Variants in LHB observed in about 807,000 individuals in gnomAD.
The protein encoded by LHB is lutropin subunit beta.
Under a neutral mutation model 10.6 loss-of-function variants are expected in LHB, and 11 were observed. That is an observed-to-expected ratio of 1.04 (90% CI 0.66 to 1.72). The LOEUF is 1.72. LHB is among the 40% of genes most tolerant of loss of function. LHB has a pLI of 0.00. For synonymous variants in LHB, 86 were observed against 83.1 expected (o/e 1.03, Z -0.19); for missense variants, 184 against 197.3 (o/e 0.93, Z 0.41).
chr19:49,016,696 G>A lies in LHB; in HGVS notation c.34C>T (p.Leu12=), dbSNP rs972950372. The change falls in exon 2 of 3, where the codon CTG becomes TTG. Residue 12 remains leucine, a synonymous_variant. Transcript: ENST00000649238. The part of the protein sequence containing the change: ...EMLQGLLLLL[L]LSMGGAWASR... Reference sequence around the variant, plus strand: ...GCCCATGCCCCGCCCATGCTCAGCAGCAGCAACAGCAGCAGCCCCTGGGAC... The same window carrying A: ...GCCCATGCCCCGCCCATGCTCAGCAACAGCAACAGCAGCAGCCCCTGGGAC... 1.9e-6 allele frequency: 3 copies of A among 1,611,252 alleles called. No individual in the cohort carries two copies. The African/African-American group carries it at 4.0e-5, about 22-fold the overall frequency.
upstream of LHB, chr19:49,019,069 C>T: frequency 6.8e-7 from 1 of 1,462,198 alleles, no homozygotes; most frequent in Non-Finnish European, 9.0e-7. Flanking sequence ...GCCCTGGGTC[C>T]CGAGTTCAGA....
upstream of LHB, chr19:49,018,173 G>A (rs979633187): frequency 2.7e-5 from 11 of 411,896 alleles, no homozygotes; most frequent in Non-Finnish European, 4.2e-5. Context: ...GTGCGGCATG[G>A]CCGAGGTCAC....
chr19:49,016,006 G>T lies in LHB; in HGVS notation c.*62C>A. Reference sequence around the variant, plus strand: ...GCGGATTGAGAAGCCTTTATTGTGGGAGGATCGGGGTGTCAGGGCTCCAGG... The same window carrying T: ...GCGGATTGAGAAGCCTTTATTGTGGTAGGATCGGGGTGTCAGGGCTCCAGG... On this transcript the variant is annotated 3_prime_UTR_variant, in exon 3 of 3. Coordinates refer to ENST00000649238, the MANE Select transcript of LHB (RefSeq NM_000894.3). 2 of 1,614,162 alleles carry T rather than the reference G, an allele frequency of 1.2e-6. No homozygotes were observed. Among genetic ancestry groups the T allele is most frequent in the Non-Finnish European group, 1.7e-6 (2 of 1,180,048 alleles).
upstream of LHB, chr19:49,019,076 C>T: frequency 6.9e-7 from 1 of 1,458,012 alleles, no homozygotes; most frequent in African/African-American, 1.4e-5. Flanking sequence ...GTCCCGAGTT[C>T]AGAATCCCTC....
At chr19:49,019,235 C>T (rs2039599802), upstream of LHB, 1 of 1,356,484 alleles carries the variant, frequency 7.4e-7, no homozygotes, top group South Asian at 1.8e-5. Flanking sequence ...CAAGCACCTT[C>T]TGCTGTTCAA....
chr19:49,019,036 A>G, upstream of LHB: 1 of 1,512,962 alleles, frequency 6.6e-7, no homozygotes. Flanking sequence ...TACCCAAGAC[A>G]TAGATTTCAT....
At chr19:49,017,665 G>C (rs1422395256), upstream of LHB, 1 of 763,208 alleles carries the variant, frequency 1.3e-6, no homozygotes, top group Non-Finnish European at 1.7e-6. Context: ...AAGCCAGGAT[G>C]CCCGGAGCGT....
chr19:49,018,866 G>A, upstream of LHB: 2 of 1,532,722 alleles, frequency 1.3e-6, no homozygotes, highest in East Asian at 2.4e-5. Flanking sequence ...GCGAGAGCCC[G>A]GCTTACTTGG....
At chr19:49,016,911 A>G in intron 1 of LHB, 156 bp downstream of exon 1, 3 of 1,598,550 alleles carry the variant, frequency 1.9e-6, no homozygotes, top group Non-Finnish European at 2.6e-6. Context: ...AACATTTCAG[A>G]TCCCCACCCT....
upstream of LHB, chr19:49,018,935 G>T (rs1600208380): frequency 5.9e-6 from 9 of 1,534,368 alleles, no homozygotes; most frequent in East Asian, 2.0e-4. Context: ...GGTCCAGGAC[G>T]CCCCGGTCGG....
chr19:49,016,404 G>T (rs1568646445), intron 2 of LHB, 94 bp from the exon 3 acceptor site: 2 of 1,598,680 alleles, frequency 1.3e-6, no homozygotes, highest in Admixed American at 1.7e-5. Context: ...GGACTCAGGA[G>T]CCCAGGAAGC....
At chr19:49,016,502 T>C in intron 2 of LHB, 45 bp downstream of exon 2, 2 of 1,595,540 alleles carry the variant, frequency 1.3e-6, no homozygotes, top group Non-Finnish European at 1.7e-6. Context: ...TCTGTGGGTC[T>C]GGCCCTGAGG....
chr19:49,017,041 G>C, intron 1 of LHB, 26 bp downstream of exon 1: 1 of 1,613,606 alleles, frequency 6.2e-7, no homozygotes, highest in Non-Finnish European at 8.5e-7. Context: ...GGAGGTGGAA[G>C]GTGCCCAGGG....
Position 49,016,119 on chromosome 19 carries a change from G to T in LHB, c.375C>A (p.Asp125Glu). Reference protein sequence around the residue: ...RSTSDCGGPKDHPLTCDHPQL... With the variant: ...RSTSDCGGPKEHPLTCDHPQL... Reference sequence around the variant, plus strand: ...GGGGGTGGTCACAGGTCAAGGGGTGGTCTTTGGGACCCCCACAGTCAGAGG... The same window carrying T: ...GGGGGTGGTCACAGGTCAAGGGGTGTTCTTTGGGACCCCCACAGTCAGAGG... The change falls in exon 3 of 3, where the codon GAC becomes GAA. Residue 125 changes from aspartate (D) to glutamate (E), a missense_variant. Asp to Glu is a conservative substitution (Grantham distance 45). Coordinates refer to ENST00000649238, the MANE Select transcript of LHB (RefSeq NM_000894.3). 5.6e-6 allele frequency: 9 copies of T among 1,612,944 alleles called. No homozygotes were observed. Among genetic ancestry groups the T allele is most frequent in the Non-Finnish European group, 7.6e-6 (9 of 1,180,024 alleles).
At chr19:49,017,420 A>T (rs2122678998), upstream of LHB, 1 of 1,133,004 alleles carries the variant, frequency 8.8e-7, no homozygotes, top group South Asian at 1.7e-5. Context: ...AGCCAGGAGG[A>T]GGCCATGACC....
upstream of LHB, chr19:49,018,222 G>C: frequency 1.6e-6 from 1 of 625,338 alleles, no homozygotes; most frequent in Non-Finnish European, 2.3e-6. Context: ...GGTGGTCGGG[G>C]CGGCCGGGAG....
Position 49,016,782 on chromosome 19 carries a change from C to T in LHB, c.16-68G>A, listed in dbSNP as rs751895668. ...CCCGAGTCCTGGCCTTCCCATCCCG[C>T]GTGGTACACCACCCACAAAGACCCA... On this transcript the variant is annotated intron_variant, in intron 1 of 2. Coordinates refer to ENST00000649238, the MANE Select transcript of LHB (RefSeq NM_000894.3). 6.9e-5 allele frequency: 110 copies of T among 1,602,750 alleles called. 1 individual carries two copies. The East Asian group carries it at 1.5e-3, about 22-fold the overall frequency.
At chr19:49,017,586 G>A, upstream of LHB, 1 of 1,094,474 alleles carries the variant, frequency 9.1e-7, no homozygotes, top group Non-Finnish European at 1.1e-6. Context: ...ACTTGACCCA[G>A]ATGCCCCCAA....
chr19:49,016,582 T>G lies in LHB; in HGVS notation c.148A>C (p.Asn50His). The change falls in exon 2 of 3, where the codon AAC becomes CAC. Residue 50 changes from asparagine to histidine, a missense_variant. Physicochemically the swap from Asn to His is moderately conservative, Grantham distance 68 (BLOSUM62 1). Coordinates refer to ENST00000649238, the MANE Select transcript of LHB (RefSeq NM_000894.3). ...CAGTAGCCGGCACAGATGGTGGTGT[T>G]GACGGTGATGCACACTGGGCAGCCC... Reference protein sequence around the residue: ...KEGCPVCITVNTTICAGYCPT... With the variant: ...KEGCPVCITVHTTICAGYCPT... The G allele has an allele frequency of 6.2e-7, 1 of 1,610,744 alleles. No homozygotes were observed. Among genetic ancestry groups the G allele is most frequent in the Non-Finnish European group, 8.5e-7 (1 of 1,179,630 alleles).
Sources: gnomAD v4.1 joint callset for allele counts on GRCh38, gnomAD v4.1.1 for gene constraint, MANE v1.5 for transcripts, NCBI Gene and HGNC (gene_info 2026-07-23, HGNC 2026-07-21) for gene names.